The following CTDSPL variants were observed in gnomAD, a reference collection of about 807,000 sequenced individuals.
CTDSPL encodes the protein CTD small phosphatase like.
A neutral mutation model predicts 30.5 loss-of-function variants in CTDSPL; 8 were observed. The observed-to-expected ratio is 0.26, with a 90% CI of 0.15 to 0.47. The LOEUF is 0.47. Among genes scored for constraint, CTDSPL ranks in the 20% least tolerant of loss-of-function variants. CTDSPL has a pLI of 0.99. For synonymous variants in CTDSPL, 110 were observed against 137.9 expected (o/e 0.80, Z 1.42); for missense variants, 248 against 366.1 (o/e 0.68, Z 2.63).
chr3:37,981,836 T>C lies in CTDSPL; in HGVS notation c.*969T>C, dbSNP rs1478233075. ...TTCCTTTCCAAAAGCTGGATACACA[T>C]GGAGCTGTTTGGGAATTTTCCTTGC... On this transcript the variant is annotated 3_prime_UTR_variant, in exon 8 of 8. Transcript: ENST00000273179. 2.2e-6 allele frequency: 1 copy of C among 457,156 alleles called. No homozygotes were observed. Among genetic ancestry groups the C allele is most frequent in the Non-Finnish European group, 4.4e-6 (1 of 227,096 alleles). 28.3% of individuals were successfully genotyped at this position (457,156 alleles called of 1,614,324 possible).
intron 1 of CTDSPL, chr3:37,911,756 C>T (rs1036168499): frequency 1.8e-5 from 8 of 455,878 alleles, no homozygotes; most frequent in Admixed American, 1.2e-4. Context: ...GTGTAACCCT[C>T]GCTAAAGAGA....
chr3:37,971,580 C>T, intron 6 of CTDSPL, 81 bp downstream of exon 6: 2 of 1,337,794 alleles, frequency 1.5e-6, no homozygotes, highest in South Asian at 1.2e-5. Context: ...GTCAAGCAGC[C>T]CTTTGTTTTG....
chr3:37,888,433 A>G (rs570973275), intron 1 of CTDSPL, among the ~76,000 whole-genome samples: 22 of 152,244 alleles, frequency 1.4e-4, no homozygotes, highest in African/African-American at 5.3e-4. Flanking sequence ...ACTTTTCTTG[A>G]TGCTCCGACT....
chr3:37,931,798 A>AT (rs58871270), intron 1 of CTDSPL, among the ~76,000 whole-genome samples: 27,423 of 148,886 alleles, frequency 0.18, 2,983 homozygotes, highest in African/African-American at 0.3. Flanking sequence ...AGCTATAACA[A>AT]TTTTTTTTTT....
intron 1 of CTDSPL, among the ~76,000 whole-genome samples, chr3:37,883,632 A>G (rs9865187): frequency 0.021 from 3,139 of 152,258 alleles, 118 homozygotes; most frequent in African/African-American, 0.071. Flanking sequence ...GAGGAATTTT[A>G]TTCTCTGGCA....
intron 1 of CTDSPL, among the ~76,000 whole-genome samples, chr3:37,927,646 G>GTA (rs1698797079): frequency 8.0e-6 from 1 of 124,918 alleles, no homozygotes; most frequent in Admixed American, 7.9e-5. Context: ...ATGTGTGTGT[G>GTA]TGTGTGTGTG....
chr3:37,888,216 T>G (rs1036290103), intron 1 of CTDSPL, among the ~76,000 whole-genome samples: 9 of 152,202 alleles, frequency 5.9e-5, no homozygotes, highest in African/African-American at 2.2e-4. Context: ...ATGGGAGGAA[T>G]GAAAGTTTGC....
intron 7 of CTDSPL, among the ~76,000 whole-genome samples, chr3:37,977,210 C>T (rs114333541): frequency 0.015 from 2,228 of 152,234 alleles, 61 homozygotes; most frequent in African/African-American, 0.047. Context: ...TCACAAGTCA[C>T]GGTCAGATCT....
intron 1 of CTDSPL, among the ~76,000 whole-genome samples, chr3:37,889,079 T>G (rs550336293): frequency 6.6e-6 from 1 of 152,344 alleles, no homozygotes; most frequent in Admixed American, 6.5e-5. Context: ...GAAGATTTTC[T>G]TTTTATTGCT....
At chr3:37,894,218 A>T (rs999081234) in intron 1 of CTDSPL, among the ~76,000 whole-genome samples, 4 of 152,146 alleles carry the variant, frequency 2.6e-5, no homozygotes, top group African/African-American at 9.7e-5. Flanking sequence ...AGTAGCTCGG[A>T]CTACAGGCAC....
At chr3:37,960,498 AAAAAAAAATATAT>A (rs1199492640) in intron 3 of CTDSPL, among the ~76,000 whole-genome samples, 12 of 64,176 alleles carry the variant, frequency 1.9e-4, no homozygotes, top group African/African-American at 8.5e-4. Flanking sequence ...AAAAAAAAAA[AAAAAAAAATATAT>A]ATATATATAT....
chr3:37,862,089 A>G lies in CTDSPL; in HGVS notation c.-111A>G. 4.7e-6 allele frequency: 1 copy of G among 214,572 alleles called. No homozygotes were observed. The highest frequency in any genetic ancestry group is 7.6e-6 in the Non-Finnish European group (1 of 131,742). 13.3% of individuals were successfully genotyped at this position (214,572 alleles called of 1,614,324 possible). ...GGCCGGGCGGCGGGCGCGCCCAGGCAGCGGCTGCGAGCGCCCCCCCGCGCC... is the reference window on the plus strand; with the variant it reads ...GGCCGGGCGGCGGGCGCGCCCAGGCGGCGGCTGCGAGCGCCCCCCCGCGCC... On this transcript the variant is annotated 5_prime_UTR_variant, in exon 1 of 8. Transcript: ENST00000273179. The surrounding 1 kb of genome is among the most constrained non-coding windows in gnomAD (Gnocchi z 4.3).
chr3:37,895,476 A>T (rs1459792078), intron 1 of CTDSPL, among the ~76,000 whole-genome samples: 1 of 152,204 alleles, frequency 6.6e-6, no homozygotes, highest in East Asian at 1.9e-4. Flanking sequence ...ATTGTCCCAA[A>T]GTCTGTCACC....
intron 1 of CTDSPL, among the ~76,000 whole-genome samples, chr3:37,878,658 G>T (rs1698166158): frequency 6.6e-6 from 1 of 152,196 alleles, no homozygotes; most frequent in South Asian, 2.1e-4. Context: ...ATCTGTCAGA[G>T]CAGATTTATT....
chr3:37,948,804 C>CTTT (rs1559641745), intron 2 of CTDSPL, among the ~76,000 whole-genome samples: 29 of 135,920 alleles, frequency 2.1e-4, no homozygotes, highest in South Asian at 1.1e-3. Context: ...CATTTTCCAG[C>CTTT]TTTCTTTTTT....
intron 1 of CTDSPL, among the ~76,000 whole-genome samples, chr3:37,891,631 A>G (rs1698326839): frequency 6.6e-6 from 1 of 152,242 alleles, no homozygotes; most frequent in Non-Finnish European, 1.5e-5. Context: ...TAATGGAAGC[A>G]TTTTTTAAAA....
Position 37,943,373 on chromosome 3 carries a change from G to A in CTDSPL, c.80-3684G>A, listed in dbSNP as rs1057476764. Among the ~76,000 whole-genome samples the A allele has an allele frequency of 4.0e-5, 6 of 149,944 alleles. 1 individual carries two copies. Among genetic ancestry groups the A allele is most frequent in the Non-Finnish European group, 7.5e-5 (5 of 66,910 alleles). Reference sequence around the variant, plus strand: ...TGGGGGGAGGAGGAGTGGGAGAAGGGATGTCAGTGTGATGAGGAGTCTACC... The same window carrying A: ...TGGGGGGAGGAGGAGTGGGAGAAGGAATGTCAGTGTGATGAGGAGTCTACC... On this transcript the variant is annotated intron_variant, in intron 1 of 7. Transcript: ENST00000273179.
At chr3:37,964,466 A>G (rs1023801167) in intron 3 of CTDSPL, 105 bp from the exon 4 acceptor site, 6 of 710,456 alleles carry the variant, frequency 8.4e-6, no homozygotes, top group African/African-American at 1.8e-5. Context: ...ATAAAAGCCC[A>G]TTATACGCTT....
intron 1 of CTDSPL, among the ~76,000 whole-genome samples, chr3:37,913,817 C>G (rs11709662): frequency 0.11 from 17,037 of 152,196 alleles, 1,004 homozygotes; most frequent in Middle Eastern, 0.16. Context: ...TATTCCATTA[C>G]ACTGCTCTTT....
Sources: allele counts gnomAD v4.1 joint callset (sites outside exome capture counted in the v4.1 genomes callset), GRCh38; gene constraint gnomAD v4.1.1; non-coding constraint Gnocchi (gnomAD v3.1); transcripts MANE v1.5; gene names NCBI Gene and HGNC (gene_info 2026-07-23, HGNC 2026-07-21).